Variants in DNAH11 observed in about 807,000 individuals in gnomAD.
The protein encoded by DNAH11 is axonemal beta dynein heavy chain 11.
In DNAH11, 442 loss-of-function variants were observed where a neutral mutation model predicts 526.0. The observed-to-expected ratio is 0.84, with a 90% CI of 0.78 to 0.91. The LOEUF is 0.91. DNAH11 is among the 40% of genes least tolerant of loss of function. The pLI is 0.00. For missense variants in DNAH11, 6,989 were observed against 5,448.7 expected (o/e 1.28, Z -8.90); for synonymous variants, 2,461 against 1,935.9 (o/e 1.27, Z -7.12).
intron 66 of DNAH11, among the ~76,000 whole-genome samples, chr7:21,846,149 C>T (rs140685265): frequency 6.6e-6 from 1 of 152,260 alleles, no homozygotes; most frequent in East Asian, 1.9e-4. Context: ...TGGGATTTTC[C>T]ACATAGATTA....
chr7:21,654,829 T>C (rs1781941517), intron 28 of DNAH11, among the ~76,000 whole-genome samples: 1 of 152,134 alleles, frequency 6.6e-6, no homozygotes, highest in Admixed American at 6.6e-5. Context: ...TTTGTCTCCT[T>C]GGGTGTGAAT....
At chr7:21,706,545 G>C (rs908178160) in intron 39 of DNAH11, among the ~76,000 whole-genome samples, 1 of 152,086 alleles carries the variant, frequency 6.6e-6, no homozygotes, top group Non-Finnish European at 1.5e-5. Context: ...TAATTATTTT[G>C]TTAGAGTAAG....
chr7:21,816,582 C>T lies in DNAH11; in HGVS notation c.10448C>T (p.Ala3483Val). 1.2e-6 allele frequency: 2 copies of T among 1,613,450 alleles called. No homozygotes were observed. The highest frequency in any genetic ancestry group is 1.7e-6 in the Non-Finnish European group (2 of 1,179,744). ...AGTGACAGAATGTCCACCGAAAATGCCGCTATCCTAACACACTGTGAGCGC... is the reference window on the plus strand; with the variant it reads ...AGTGACAGAATGTCCACCGAAAATGTCGCTATCCTAACACACTGTGAGCGC... ...LPSDRMSTEN[A>V]AILTHCERWP... The change falls in exon 64 of 82, where the codon GCC becomes GTC. Residue 3483 changes from alanine to valine, a missense_variant. By Grantham distance (64) the Ala-to-Val change is moderately conservative. Transcript: ENST00000409508.
chr7:21,706,043 C>T (rs559089252), intron 39 of DNAH11, among the ~76,000 whole-genome samples: 1 of 152,244 alleles, frequency 6.6e-6, no homozygotes, highest in African/African-American at 2.4e-5. Flanking sequence ...GAAATATTTT[C>T]CTTCAGTACT....
In DNAH11 at chr7:21,818,008, C is replaced by T. The variant is rs1789879628; in HGVS notation, c.10569-209C>T. ...TATTAGTTCAAACTATTAAATTTCA[C>T]TTCGAAAATATGACTAAAATGTATC... On this transcript the variant is annotated intron_variant, in intron 64 of 81. Coordinates refer to ENST00000409508, the MANE Select transcript of DNAH11 (RefSeq NM_001277115.2). 2.0e-5 allele frequency among the ~76,000 whole-genome samples: 3 copies of T among 152,120 alleles called. No individual in the cohort carries two copies. The South Asian group carries it at 6.2e-4, about 31-fold the overall frequency.
At chr7:21,544,680 A>C (rs1001280259) in intron 1 of DNAH11, among the ~76,000 whole-genome samples, 1 of 120,194 alleles carries the variant, frequency 8.3e-6, no homozygotes, top group African/African-American at 3.0e-5. Flanking sequence ...TTAGGATTGA[A>C]ACATTTCTAC....
intron 68 of DNAH11, among the ~76,000 whole-genome samples, chr7:21,858,745 C>T (rs1040260909): frequency 1.3e-5 from 2 of 152,182 alleles, no homozygotes; most frequent in Admixed American, 6.5e-5. Context: ...TAAATAGGCA[C>T]ATGAGAACTT....
intron 14 of DNAH11, among the ~76,000 whole-genome samples, chr7:21,597,566 T>A (rs1267345163): frequency 6.6e-6 from 1 of 152,114 alleles, no homozygotes; most frequent in Non-Finnish European, 1.5e-5. Context: ...CCGTCTTACA[T>A]GGTGGCAGGA....
chr7:21,617,563 T>G, intron 22 of DNAH11, 56 bp from the exon 23 acceptor site: 1 of 1,576,432 alleles, frequency 6.3e-7, no homozygotes, highest in Non-Finnish European at 8.6e-7. Context: ...GGCAAATTAT[T>G]AATATATACT....
intron 51 of DNAH11, among the ~76,000 whole-genome samples, chr7:21,745,686 T>G (rs1473547299): frequency 1.3e-5 from 2 of 152,138 alleles, no homozygotes; most frequent in Non-Finnish European, 2.9e-5. Context: ...AAATGGACAT[T>G]TATAAGGACA....
chr7:21,570,489 ATT>A, intron 7 of DNAH11, 190 bp downstream of exon 7: 1 of 473,266 alleles, frequency 2.1e-6, no homozygotes, highest in Non-Finnish European at 3.6e-6. Flanking sequence ...TTTAATTTGG[ATT>A]TTTTAAAAGT....
chr7:21,645,576 C>T (rs1787317801), intron 28 of DNAH11, among the ~76,000 whole-genome samples: 1 of 151,864 alleles, frequency 6.6e-6, no homozygotes, highest in South Asian at 2.1e-4. Flanking sequence ...AACTCAGGCC[C>T]CATTAAGGAG....
intron 56 of DNAH11, among the ~76,000 whole-genome samples, chr7:21,775,446 A>G (rs181489211): frequency 1.6e-4 from 24 of 151,928 alleles, no homozygotes; most frequent in Middle Eastern, 6.8e-3. Context: ...ATGAGACCCA[A>G]TCTCTACAAA....
intron 54 of DNAH11, among the ~76,000 whole-genome samples, chr7:21,757,482 T>A (rs879073512): frequency 6.6e-6 from 1 of 152,220 alleles, no homozygotes; most frequent in African/African-American, 2.4e-5. Flanking sequence ...TTATTTTCTT[T>A]CCTTCCAGCC....
chr7:21,642,140 G>T (rs1787158804), intron 28 of DNAH11, among the ~76,000 whole-genome samples: 2 of 152,180 alleles, frequency 1.3e-5, no homozygotes, highest in African/African-American at 4.8e-5. Context: ...GGGAAAATTT[G>T]TATTCCAAGT....
chr7:21,632,638 G>T (rs765341544), intron 25 of DNAH11, among the ~76,000 whole-genome samples: 2 of 152,136 alleles, frequency 1.3e-5, no homozygotes, highest in African/African-American at 2.4e-5. Context: ...CTTTGTTCCA[G>T]TTCCCAACAA....
chr7:21,622,115 G>T (rs1786090313), intron 25 of DNAH11, among the ~76,000 whole-genome samples: 1 of 152,074 alleles, frequency 6.6e-6, no homozygotes, highest in Non-Finnish European at 1.5e-5. Context: ...AGCAACTTCA[G>T]CAAAGTCTCA....
intron 9 of DNAH11, among the ~76,000 whole-genome samples, chr7:21,582,669 T>C (rs1374565750): frequency 2.0e-5 from 3 of 151,996 alleles, no homozygotes; most frequent in Non-Finnish European, 1.5e-5. Context: ...GCTTATAATA[T>C]GAGGAATAGC....
intron 46 of DNAH11, among the ~76,000 whole-genome samples, chr7:21,736,797 C>T (rs116418490): frequency 0.016 from 2,369 of 152,096 alleles, 49 homozygotes; most frequent in African/African-American, 0.042. Context: ...GAGTCCAGCC[C>T]GGGCAATGTA....
Sources: allele counts gnomAD v4.1 joint callset (sites outside exome capture counted in the v4.1 genomes callset), GRCh38; gene constraint gnomAD v4.1.1; transcripts MANE v1.5; gene names NCBI Gene and HGNC (gene_info 2026-07-23, HGNC 2026-07-21).